ICA1L: variants seen among roughly 807,000 people sequenced by gnomAD.
The protein encoded by ICA1L is islet cell autoantigen 1 like.
A neutral mutation model predicts 61.3 loss-of-function variants in ICA1L; 50 were observed. That is an observed-to-expected ratio of 0.82 (90% confidence interval 0.65 to 1.03). The LOEUF (loss-of-function observed/expected upper bound fraction) is 1.03. Among genes scored for constraint, ICA1L ranks in the 50% least tolerant of loss-of-function variants. ICA1L has a pLI of 0.00. For missense variants in ICA1L, 508 were observed against 556.7 expected (o/e 0.91, Z 0.88); for synonymous variants, 161 against 191.3 (o/e 0.84, Z 1.31).
intron 1 of ICA1L, among the ~76,000 whole-genome samples, chr2:202,852,641 C>T (rs188888398): frequency 3.0e-5 from 4 of 134,658 alleles, no homozygotes; most frequent in Admixed American, 2.4e-4. Context: ...CACTGCACTC[C>T]AGCCTGGGTG....
intron 12 of ICA1L, among the ~76,000 whole-genome samples, chr2:202,784,109 T>C (rs1692501361): frequency 6.6e-6 from 1 of 152,118 alleles, no homozygotes; most frequent in Non-Finnish European, 1.5e-5. Flanking sequence ...ACAGGAACAA[T>C]GTGAGCACCA....
intron 9 of ICA1L, among the ~76,000 whole-genome samples, chr2:202,800,472 T>C (rs1040693805): frequency 7.9e-5 from 12 of 152,202 alleles, no homozygotes; most frequent in African/African-American, 2.2e-4. Flanking sequence ...TTGTGCCCTA[T>C]TGCAACAATG....
rs191200023 is a variant in ICA1L, at chr2:202,847,028, A to G, written c.-7-18012T>C. Among the ~76,000 whole-genome samples the G allele has an allele frequency of 4.7e-3, 722 of 152,308 alleles. 7 individuals are homozygous for G. Among genetic ancestry groups the G allele is most frequent in the African/African-American group, 0.016 (682 of 41,552 alleles). On this transcript the variant is annotated intron_variant, in intron 1 of 12. Transcript: ENST00000358299. The stretch of plus-strand genomic sequence containing the variant: ...TCCTTTGAACTGTATGTTGAAGAAA[A>G]ACAGATTTTAACAGCAGGAGGCAAG...
chr2:202,792,066 GCTGAGGCAGGAGA>G (rs1692771987), intron 10 of ICA1L, among the ~76,000 whole-genome samples: 1 of 152,252 alleles, frequency 6.6e-6, no homozygotes, highest in African/African-American at 2.4e-5. Flanking sequence ...TACTCAGGAG[GCTGAGGCAGGAGA>G]ACCACTTGAA....
intron 1 of ICA1L, among the ~76,000 whole-genome samples, chr2:202,839,190 A>T (rs186876778): frequency 6.8e-4 from 104 of 152,166 alleles, no homozygotes; most frequent in African/African-American, 2.4e-3. Flanking sequence ...AGTTAATCTA[A>T]ATGTGTCCTT....
At chr2:202,835,211 C>T (rs1694113453) in intron 1 of ICA1L, among the ~76,000 whole-genome samples, 1 of 126,592 alleles carries the variant, frequency 7.9e-6, no homozygotes, top group African/African-American at 2.9e-5. Context: ...TTATTGATTT[C>T]TTCCTTTTTT....
chr2:202,779,845 A>G (rs564575174), intron 12 of ICA1L, among the ~76,000 whole-genome samples, 197 bp from the exon 13 acceptor site: 23 of 136,018 alleles, frequency 1.7e-4, no homozygotes, highest in East Asian at 4.4e-4. Flanking sequence ...GGGTTTCCCT[A>G]TGTTGCCCAG....
chr2:202,792,053 A>G (rs1381996642), intron 10 of ICA1L, among the ~76,000 whole-genome samples: 1 of 152,148 alleles, frequency 6.6e-6, no homozygotes, highest in Non-Finnish European at 1.5e-5. Flanking sequence ...CTCTAATCCC[A>G]GCTACTCAGG....
rs541427545 is a variant in ICA1L at position 202,855,876 on chromosome 2, C to T, written c.-8+15743G>A. 1.5e-4 allele frequency among the ~76,000 whole-genome samples: 23 copies of T among 152,194 alleles called. No homozygotes were observed. In the East Asian group the frequency reaches 4.3e-3, roughly 28 times the overall value. On this transcript the variant is annotated intron_variant, in intron 1 of 12. Coordinates refer to ENST00000358299, the MANE Select transcript of ICA1L (RefSeq NM_001288622.3). ...AGATCACAAGGTCAGGAGTTCAAGA[C>T]CAGCCTGGCCAACATCGTGAAACCC...
intron 1 of ICA1L, among the ~76,000 whole-genome samples, chr2:202,852,787 T>C (rs967774916): frequency 2.0e-5 from 3 of 151,022 alleles, no homozygotes; most frequent in Non-Finnish European, 4.4e-5. Context: ...TGGTATCTCA[T>C]TGTGGTTTTC....
At chr2:202,808,841 T>C (rs955863922) in intron 9 of ICA1L, among the ~76,000 whole-genome samples, 1 of 152,242 alleles carries the variant, frequency 6.6e-6, no homozygotes, top group East Asian at 1.9e-4. Flanking sequence ...CCAATGCAGA[T>C]ACAGCTACAA....
chr2:202,868,067 T>C (rs1465993733), intron 1 of ICA1L, among the ~76,000 whole-genome samples: 1 of 152,144 alleles, frequency 6.6e-6, no homozygotes, highest in Non-Finnish European at 1.5e-5. Context: ...TGAAAAAGTT[T>C]TCAAACTAGA....
intron 12 of ICA1L, among the ~76,000 whole-genome samples, chr2:202,784,406 T>C (rs950081102): frequency 1.7e-4 from 26 of 152,062 alleles, no homozygotes; most frequent in African/African-American, 5.3e-4. Flanking sequence ...CATGGCACCA[T>C]TGCACTCCAG....
chr2:202,861,920 G>T lies in ICA1L; in HGVS notation c.-8+9699C>A, dbSNP rs1456914638. Among the ~76,000 whole-genome samples, 8 of 122,048 alleles carry T rather than the reference G, an allele frequency of 6.6e-5. No homozygotes were observed. In the East Asian group the frequency reaches 7.7e-4, roughly 12 times the overall value. The allele number at this position is 122,048 out of a possible 152,430, so 80.1% of individuals were successfully genotyped here. On this transcript the variant is annotated intron_variant, in intron 1 of 12. Coordinates refer to ENST00000358299, the MANE Select transcript of ICA1L (RefSeq NM_001288622.3). ...AAAAAAAAAAAGTGAAACCATGAAA[G>T]TTTTAAGCAAGCCTCCGCCTTTTTT...
intron 1 of ICA1L, among the ~76,000 whole-genome samples, chr2:202,851,598 A>C (rs1395769937): frequency 2.6e-5 from 4 of 152,164 alleles, no homozygotes; most frequent in African/African-American, 9.7e-5. Context: ...CTGTCTTCCA[A>C]AATGGTTGAA....
chr2:202,819,647 G>C, intron 5 of ICA1L, 54 bp downstream of exon 5: 1 of 1,241,206 alleles, frequency 8.1e-7, no homozygotes, highest in Non-Finnish European at 1.2e-6. Flanking sequence ...TAATTATTCT[G>C]TGGCAGTTTC....
intron 9 of ICA1L, among the ~76,000 whole-genome samples, chr2:202,802,821 GAAATA>G (rs1251358254): frequency 2.0e-5 from 3 of 151,832 alleles, no homozygotes; most frequent in Non-Finnish European, 4.4e-5. Flanking sequence ...ATCAGAAATG[GAAATA>G]AAATGTATAA....
intron 4 of ICA1L, 122 bp from the exon 5 acceptor site, chr2:202,820,021 A>C: frequency 1.4e-6 from 1 of 728,130 alleles, no homozygotes; most frequent in Non-Finnish European, 2.3e-6. Flanking sequence ...AAAATTATTC[A>C]GTTCCTAAGG....
intron 1 of ICA1L, chr2:202,841,708 G>A: frequency 1.9e-6 from 1 of 523,976 alleles, no homozygotes; most frequent in Non-Finnish European, 3.7e-6. Context: ...AGGAGCAGTT[G>A]CCGAAGGCCT....
Sources: gnomAD v4.1 joint callset for allele counts (sites outside exome capture counted in the v4.1 genomes callset) on GRCh38, gnomAD v4.1.1 for gene constraint, MANE v1.5 for transcripts, NCBI Gene and HGNC (gene_info 2026-07-23, HGNC 2026-07-21) for gene names.